TIAM1: variants seen among roughly 807,000 people sequenced by gnomAD.
The protein encoded by TIAM1 is TIAM Rac1 associated GEF 1.
In TIAM1, 65 loss-of-function variants were observed where a neutral mutation model predicts 163.5. The observed-to-expected ratio is 0.40, with a 90% CI of 0.33 to 0.49. The LOEUF (loss-of-function observed/expected upper bound fraction) is 0.49. Among genes scored for constraint, TIAM1 ranks in the 20% least tolerant of loss-of-function variants. The pLI, the probability that TIAM1 is intolerant of heterozygous loss-of-function variation, is 0.77. For synonymous variants in TIAM1, 833 were observed against 810.1 expected, an observed-to-expected ratio of 1.03 and a Z score of -0.48; for missense variants, 1,789 against 2,044.7, an observed-to-expected ratio of 0.87 and a Z score of 2.41.
intron 2 of TIAM1, among the ~76,000 whole-genome samples, chr21:31,405,889 A>G (rs2077239157): frequency 1.3e-5 from 2 of 152,088 alleles, no homozygotes; most frequent in Non-Finnish European, 2.9e-5. Flanking sequence ...ATATTAAGAA[A>G]AGCAAAACCA....
chr21:31,181,750 CTTCTTCTTTTTTTTTTTTTTTTTT>C (rs2085026735), intron 15 of TIAM1, among the ~76,000 whole-genome samples: 1 of 46,202 alleles, frequency 2.2e-5, no homozygotes, highest in African/African-American at 7.1e-5. Flanking sequence ...TCTTCTTCTT[CTTCTTCTTTTTTTTTTTTTTTTTT>C]TTTTTTTTTT....
chr21:31,179,901 GA>G (rs2084934019), intron 15 of TIAM1, among the ~76,000 whole-genome samples: 1 of 143,496 alleles, frequency 7.0e-6, no homozygotes, highest in African/African-American at 2.7e-5. Flanking sequence ...TACATACACA[GA>G]TTTTTTTTTT....
In TIAM1 at chr21:31,298,735, G is replaced by GGTGTGTGTGTGTGTGTGT. The variant is rs147701527; in HGVS notation, c.-188-21845_-188-21828dup. Among the ~76,000 whole-genome samples, 707 of 138,546 alleles carry GGTGTGTGTGTGTGTGTGT rather than the reference G, an allele frequency of 5.1e-3. 3 individuals carry two copies. The highest frequency in any genetic ancestry group is 6.1e-3 in the Non-Finnish European group (400 of 65,240). 90.9% of individuals were successfully genotyped at this position (138,546 alleles called of 152,430 possible). A position where few individuals can be genotyped will look rare whatever the true frequency, so the allele number is the denominator to read the frequency against. On this transcript the variant is annotated intron_variant, in intron 2 of 27. Transcript: ENST00000541036. ...ATGGATCAGATCAGATCCAATTGAG[G>GGTGTGTGTGTGTGTGTGT]GTGTGTGTGTGTGTGTGTGTGTGTG...
At position 31,210,677 on chromosome 21, in the gene TIAM1, AAGAAAGAAAAAGAAAGAAAGAAAGAAAG is replaced by A. The variant is rs1328468327; in HGVS notation, c.2218-490_2218-463del. Among the ~76,000 whole-genome samples, 177 of 91,912 alleles carry A rather than the reference AAGAAAGAAAAAGAAAGAAAGAAAGAAAG, an allele frequency of 1.9e-3. 32 individuals carry two copies. Among genetic ancestry groups the A allele is most frequent in the African/African-American group, 9.8e-3 (167 of 17,114 alleles). 60.3% of individuals were successfully genotyped at this position (91,912 alleles called of 152,430 possible). ...AGAAAGAAAGAAAGAAAAAGAAAGA[AAGAAAGAAAAAGAAAGAAAGAAAGAAAG>A]AGAAAGAAAGAGAAAGAAAGAAAGA... On this transcript the variant is annotated intron_variant, in intron 10 of 27. Transcript: ENST00000541036.
chr21:31,350,376 G>A (rs1310281011), intron 2 of TIAM1, among the ~76,000 whole-genome samples: 1 of 152,180 alleles, frequency 6.6e-6, no homozygotes, highest in African/African-American at 2.4e-5. Flanking sequence ...TACTGGGGCA[G>A]GGAGTGGAGA....
chr21:31,300,857 C>T (rs890189529), intron 2 of TIAM1, among the ~76,000 whole-genome samples: 1 of 152,192 alleles, frequency 6.6e-6, no homozygotes, highest in African/African-American at 2.4e-5. Flanking sequence ...CGGTAAAATG[C>T]TAATTCTATA....
chr21:31,411,081 C>G (rs1325295594), intron 2 of TIAM1, among the ~76,000 whole-genome samples: 2 of 152,082 alleles, frequency 1.3e-5, no homozygotes, highest in African/African-American at 2.4e-5. Context: ...CCTCTCTCTG[C>G]CTCCCACCTC....
intron 2 of TIAM1, among the ~76,000 whole-genome samples, chr21:31,363,302 C>A (rs1164933546): frequency 1.3e-5 from 2 of 152,160 alleles, no homozygotes; most frequent in Non-Finnish European, 2.9e-5. Context: ...TGTCCCCTAA[C>A]CCCAGCCTTA....
chr21:31,127,082 G>C lies in TIAM1; in HGVS notation c.4116C>G (p.Val1372=). 1 of 1,614,050 alleles carries C rather than the reference G, an allele frequency of 6.2e-7. No homozygotes were observed. Among genetic ancestry groups the C allele is most frequent in the East Asian group, 2.2e-5 (1 of 44,872 alleles). The change falls in exon 26 of 28, where the codon GTC becomes GTG. Residue 1372 remains valine, a synonymous_variant. Transcript: ENST00000541036. The stretch of plus-strand genomic sequence containing the variant: ...AGGCTCACCTGCAGCACAAGTGAAA[G>C]ACCCTCTCCGGCCTCCCTTCAGACT... ...KSESEGRPER[V]FHLCCSSPES...
At chr21:31,344,919 T>G (rs894812326), upstream of TIAM1, among the ~76,000 whole-genome samples, 14 of 152,160 alleles carry the variant, frequency 9.2e-5, no homozygotes, top group Non-Finnish European at 2.1e-4. Context: ...CAAATTTGAT[T>G]TCCCATGAGC....
At chr21:31,132,163 C>A (rs560010905) in intron 23 of TIAM1, among the ~76,000 whole-genome samples, 1 of 152,324 alleles carries the variant, frequency 6.6e-6, no homozygotes, top group South Asian at 2.1e-4. Context: ...GATGGGCCAC[C>A]AGGCTCACAG....
At chr21:31,534,396 A>C (rs1467249329) in intron 1 of TIAM1, among the ~76,000 whole-genome samples, 1 of 152,178 alleles carries the variant, frequency 6.6e-6, no homozygotes, top group East Asian at 1.9e-4. Context: ...TTAAGAATCC[A>C]AAATCAACTG....
intron 26 of TIAM1, 113 bp from the exon 27 acceptor site, chr21:31,124,807 T>C: frequency 1.1e-6 from 1 of 895,792 alleles, no homozygotes; most frequent in South Asian, 2.5e-5. Context: ...GGCTAAAGAC[T>C]GAGGCCTTGA....
At chr21:31,197,718 C>T (rs1474956870) in intron 12 of TIAM1, among the ~76,000 whole-genome samples, 1 of 152,184 alleles carries the variant, frequency 6.6e-6, no homozygotes, top group African/African-American at 2.4e-5. Flanking sequence ...CAATAACTTA[C>T]AGAGTTCTGA....
At chr21:31,553,142 A>C (rs1009024200) in intron 1 of TIAM1, among the ~76,000 whole-genome samples, 2 of 152,194 alleles carry the variant, frequency 1.3e-5, no homozygotes, top group Admixed American at 6.5e-5. Context: ...CTGAGAGACC[A>C]AAGTGGGTCA....
chr21:31,148,936 G>A (rs1403866233), intron 19 of TIAM1, among the ~76,000 whole-genome samples: 1 of 143,938 alleles, frequency 6.9e-6, no homozygotes, highest in African/African-American at 2.6e-5. Context: ...AACACAGTTT[G>A]AAGATTTTAA....
chr21:31,505,811 C>G (rs954283857), intron 1 of TIAM1, among the ~76,000 whole-genome samples: 1 of 151,928 alleles, frequency 6.6e-6, no homozygotes, highest in African/African-American at 2.4e-5. Flanking sequence ...TCGAGACGAG[C>G]ATGGCCAACA....
intron 2 of TIAM1, among the ~76,000 whole-genome samples, chr21:31,412,439 T>C (rs2077374838): frequency 6.6e-6 from 1 of 151,710 alleles, no homozygotes; most frequent in Non-Finnish European, 1.5e-5. Context: ...TGGGGGATGG[T>C]TTCGGGATGA....
At chr21:31,524,014 C>A (rs1276942309) in intron 1 of TIAM1, among the ~76,000 whole-genome samples, 8 of 139,326 alleles carry the variant, frequency 5.7e-5, no homozygotes, top group Non-Finnish European at 9.2e-5. Context: ...CAGACCCCAA[C>A]TCAAAAAAAA....
Sources: gnomAD v4.1 joint callset for allele counts (sites outside exome capture counted in the v4.1 genomes callset) on GRCh38, gnomAD v4.1.1 for gene constraint, MANE v1.5 for transcripts, NCBI Gene and HGNC (gene_info 2026-07-23, HGNC 2026-07-21) for gene names.